Variants in RALYL observed in about 807,000 individuals in gnomAD.
RALYL encodes RNA-binding Raly-like protein.
Under a neutral mutation model 35.1 loss-of-function variants are expected in RALYL, and 29 were observed. That is an observed-to-expected ratio of 0.83 (90% CI 0.61 to 1.13). RALYL has a LOEUF of 1.13. Among genes scored for constraint, RALYL ranks in the 50% most tolerant of loss-of-function variants. The pLI is 0.00. For missense variants in RALYL, 359 were observed against 360.4 expected (o/e 1.00, Z 0.03); for synonymous variants, 120 against 127.6 (o/e 0.94, Z 0.40).
chr8:84,546,114 G>A (rs903808963), intron 2 of RALYL, among the ~76,000 whole-genome samples: 1 of 152,018 alleles, frequency 6.6e-6, no homozygotes, highest in Non-Finnish European at 1.5e-5. Flanking sequence ...GAGAGAGACA[G>A]AAAGAGAGAA....
At chr8:84,914,058 G>T (rs1188709730) in intron 8 of RALYL, among the ~76,000 whole-genome samples, 1 of 151,866 alleles carries the variant, frequency 6.6e-6, no homozygotes, top group African/African-American at 2.4e-5. Context: ...TGTTTTCAAA[G>T]GGCTTTTAAA....
chr8:84,676,244 T>C (rs1834168329), intron 2 of RALYL, among the ~76,000 whole-genome samples: 1 of 152,250 alleles, frequency 6.6e-6, no homozygotes, highest in African/African-American at 2.4e-5. Context: ...TGTAGAGATA[T>C]GGATGGCCAA....
At chr8:84,395,124 T>C (rs1257426079) in intron 1 of RALYL, among the ~76,000 whole-genome samples, 1 of 151,844 alleles carries the variant, frequency 6.6e-6, no homozygotes, top group Non-Finnish European at 1.5e-5. Flanking sequence ...TTTTAGACAA[T>C]TATCATAAGA....
chr8:84,507,070 A>C (rs1025518176), intron 1 of RALYL, among the ~76,000 whole-genome samples: 3 of 152,102 alleles, frequency 2.0e-5, no homozygotes, highest in Non-Finnish European at 4.4e-5. Context: ...TTGACCTGGT[A>C]AATTGACAAT....
rs1811762477 is a variant in RALYL at position 84,183,607 on chromosome 8, C to T, written c.-841C>T. The T allele has an allele frequency of 6.6e-6, 1 of 152,306 alleles. No homozygotes were observed. Among genetic ancestry groups the T allele is most frequent in the Admixed American group, 6.5e-5 (1 of 15,270 alleles). 9.4% of individuals were successfully genotyped at this position (152,306 alleles called of 1,614,324 possible). A position where few individuals can be genotyped will look rare whatever the true frequency, so the allele number is the denominator to read the frequency against. On this transcript the variant is annotated 5_prime_UTR_variant, in exon 1 of 9. Transcript: ENST00000521268. ...AGTACCTTCTCAGTGGCATTCTTGTCCTATTCTTTTTTTTGTCCTTTTTTT... is the reference window on the plus strand; with the variant it reads ...AGTACCTTCTCAGTGGCATTCTTGTTCTATTCTTTTTTTTGTCCTTTTTTT...
At chr8:84,455,016 T>C (rs2049971265) in intron 1 of RALYL, among the ~76,000 whole-genome samples, 1 of 152,000 alleles carries the variant, frequency 6.6e-6, no homozygotes, top group African/African-American at 2.4e-5. Context: ...ATGGAATGAA[T>C]TGGGGTAACT....
At chr8:84,414,817 C>G (rs1401217857) in intron 1 of RALYL, among the ~76,000 whole-genome samples, 2 of 152,126 alleles carry the variant, frequency 1.3e-5, no homozygotes, top group African/African-American at 4.8e-5. Context: ...GAGTTCTACA[C>G]AGCAACCCAC....
intron 5 of RALYL, among the ~76,000 whole-genome samples, chr8:84,851,866 C>A (rs1431586095): frequency 6.6e-6 from 1 of 152,204 alleles, no homozygotes; most frequent in Non-Finnish European, 1.5e-5. Context: ...TACTTCACAG[C>A]ACCTCTCCTA....
chr8:84,398,016 G>C (rs1253721632), intron 1 of RALYL, among the ~76,000 whole-genome samples: 1 of 152,170 alleles, frequency 6.6e-6, no homozygotes, highest in Non-Finnish European at 1.5e-5. Flanking sequence ...AGTTTGATTT[G>C]AAGGTTTTTG....
rs1236194184 is a variant in RALYL, at chr8:84,477,502, A to ATATATATATCAAATG, written c.-23-51782_-23-51768dup. The stretch of plus-strand genomic sequence containing the variant: ...ATTATTGAATTTATATATACATTCA[A>ATATATATATCAAATG]TATATATATCAAATGTATATATATC... On this transcript the variant is annotated intron_variant, in intron 1 of 8. Coordinates refer to ENST00000521268, the MANE Select transcript of RALYL (RefSeq NM_173848.7). Among the ~76,000 whole-genome samples the ATATATATATCAAATG allele has an allele frequency of 2.7e-5, 4 of 149,672 alleles. No individual in the cohort carries two copies. The South Asian group carries it at 8.3e-4, about 31-fold the overall frequency.
chr8:84,210,819 T>C (rs1188599947), intron 1 of RALYL, among the ~76,000 whole-genome samples: 1 of 152,120 alleles, frequency 6.6e-6, no homozygotes. Context: ...TTCACTCTGT[T>C]TCCATAAATT....
At chr8:84,720,800 AAAC>A (rs1481587012) in intron 2 of RALYL, among the ~76,000 whole-genome samples, 1 of 152,130 alleles carries the variant, frequency 6.6e-6, no homozygotes, top group African/African-American at 2.4e-5. Context: ...TAGCAAAAAA[AAAC>A]AATGTGATTA....
At chr8:84,530,904 G>A (rs1045786374) in intron 2 of RALYL, among the ~76,000 whole-genome samples, 3 of 152,060 alleles carry the variant, frequency 2.0e-5, no homozygotes, top group East Asian at 1.9e-4. Context: ...CTACTTCAGA[G>A]GCTTTGTATT....
chr8:84,377,718 A>T (rs1857216225), intron 1 of RALYL, among the ~76,000 whole-genome samples: 1 of 151,788 alleles, frequency 6.6e-6, no homozygotes. Context: ...CTTAGGAACT[A>T]GGAAAATAGA....
At chr8:84,279,258 G>A (rs149977831) in intron 1 of RALYL, among the ~76,000 whole-genome samples, 11 of 152,270 alleles carry the variant, frequency 7.2e-5, no homozygotes, top group African/African-American at 2.6e-4. Context: ...TTGACATGTA[G>A]GGATTATTAC....
At chr8:84,251,007 G>A (rs552821547) in intron 1 of RALYL, among the ~76,000 whole-genome samples, 6 of 152,154 alleles carry the variant, frequency 3.9e-5, no homozygotes, top group Non-Finnish European at 7.4e-5. Flanking sequence ...ATATTAAATA[G>A]GTTCTTAAAA....
At chr8:84,316,800 C>T (rs960855360) in intron 1 of RALYL, among the ~76,000 whole-genome samples, 2 of 152,026 alleles carry the variant, frequency 1.3e-5, no homozygotes, top group African/African-American at 4.8e-5. Context: ...GGGAGGTTTT[C>T]TATTTTAGCA....
chr8:84,803,402 C>T (rs545474001), intron 3 of RALYL, among the ~76,000 whole-genome samples: 201 of 152,212 alleles, frequency 1.3e-3, no homozygotes, highest in African/African-American at 4.6e-3. Context: ...AAACATTTTT[C>T]GTTGCTTCAG....
chr8:84,910,628 A>G (rs73261930), intron 8 of RALYL, among the ~76,000 whole-genome samples: 4,295 of 152,154 alleles, frequency 0.028, 218 homozygotes, highest in African/African-American at 0.098. Context: ...ACATCTAAAA[A>G]GCACTTGAAA....
Sources: gnomAD v4.1 joint callset for allele counts (sites outside exome capture counted in the v4.1 genomes callset) on GRCh38, gnomAD v4.1.1 for gene constraint, MANE v1.5 for transcripts, NCBI Gene and HGNC (gene_info 2026-07-23, HGNC 2026-07-21) for gene names.